Variants in SMOC2 observed in about 807,000 individuals in gnomAD.
The protein encoded by SMOC2 is SPARC related modular calcium binding 2, also known as SPARC-related modular calcium-binding protein 2.
A neutral mutation model predicts 61.4 loss-of-function variants in SMOC2; 39 were observed. The observed-to-expected ratio is 0.64, with a 90% CI of 0.49 to 0.83. The LOEUF (loss-of-function observed/expected upper bound fraction) is 0.83, where lower values mean the gene tolerates loss of function less well. Ranked by LOEUF, SMOC2 falls within the 40% of genes least tolerant of loss-of-function variation. SMOC2 has a pLI of 0.00. For synonymous variants in SMOC2, 247 were observed against 239.9 expected (o/e 1.03, Z -0.27); for missense variants, 556 against 592.9 (o/e 0.94, Z 0.65).
In SMOC2 at chr6:168,664,384, C is replaced by CTTTTTTTTTTTTTTTTTTTTTTTTTT. The variant is rs750178882; in HGVS notation, c.1323+280_1323+305dup. ...TTCTGAGTTTCCTTGTTTGGTAGAT[C>CTTTTTTTTTTTTTTTTTTTTTTTTTT]TTTTTTTTTTTTTTTTTTTTTTTTT... On this transcript the variant is annotated intron_variant, in intron 12 of 12. Coordinates refer to ENST00000356284, the MANE Select transcript of SMOC2 (RefSeq NM_001166412.2). 1.1e-5 allele frequency: 3 copies of CTTTTTTTTTTTTTTTTTTTTTTTTTT among 283,092 alleles called. No homozygotes were observed. The African/African-American group carries it at 1.2e-4, about 11-fold the overall frequency. 17.5% of individuals were successfully genotyped at this position (283,092 alleles called of 1,614,324 possible).
rs1783451927 is a variant in SMOC2 at position 168,526,332 on chromosome 6, G to C, written c.257-14G>C. On this transcript the variant is annotated splice_polypyrimidine_tract_variant and intron_variant, in intron 2 of 12. Coordinates refer to ENST00000356284, the MANE Select transcript of SMOC2 (RefSeq NM_001166412.2). ...CATTGCATAACCACACCTCTGCCCTGTTCTTCCCTACAGACGTGTCCAGGT... is the reference window on the plus strand; with the variant it reads ...CATTGCATAACCACACCTCTGCCCTCTTCTTCCCTACAGACGTGTCCAGGT... 1 of 1,610,524 alleles carries C rather than the reference G, an allele frequency of 6.2e-7. No homozygotes were observed. Among genetic ancestry groups the C allele is most frequent in the African/African-American group, 1.3e-5 (1 of 74,960 alleles).
chr6:168,504,167 G>C (rs1017356279), intron 1 of SMOC2, among the ~76,000 whole-genome samples: 4 of 151,920 alleles, frequency 2.6e-5, no homozygotes, highest in African/African-American at 9.7e-5. Context: ...AGCTCCTCTG[G>C]GTTCCTTAGA....
chr6:168,548,760 A>T (rs1784065099), intron 6 of SMOC2, among the ~76,000 whole-genome samples: 1 of 152,172 alleles, frequency 6.6e-6, no homozygotes, highest in Non-Finnish European at 1.5e-5. Context: ...GCATTTTATA[A>T]TGAATCTTTC....
chr6:168,521,424 C>T (rs931352161), intron 2 of SMOC2, among the ~76,000 whole-genome samples: 6 of 152,184 alleles, frequency 3.9e-5, no homozygotes, highest in African/African-American at 1.4e-4. Context: ...GCTGGGATTA[C>T]AGGCGTGAGC....
At chr6:168,510,224 G>T in intron 2 of SMOC2, 138 bp downstream of exon 2, 1 of 733,930 alleles carries the variant, frequency 1.4e-6, no homozygotes. Flanking sequence ...AGCATGTAAG[G>T]AAGAAGAGTA....
At chr6:168,563,626 G>A (rs1173883553) in intron 7 of SMOC2, among the ~76,000 whole-genome samples, 1 of 152,050 alleles carries the variant, frequency 6.6e-6, no homozygotes, top group African/African-American at 2.4e-5. Context: ...GAGGGCAATG[G>A]GATTAGTGCC....
intron 1 of SMOC2, among the ~76,000 whole-genome samples, chr6:168,486,474 TTC>T (rs1258072723): frequency 6.6e-6 from 1 of 152,100 alleles, no homozygotes; most frequent in African/African-American, 2.4e-5. Context: ...GCACCATGTC[TTC>T]TCTTTGCTAC....
At chr6:168,650,556 C>A in intron 9 of SMOC2, 125 bp from the exon 10 acceptor site, 3 of 730,200 alleles carry the variant, frequency 4.1e-6, no homozygotes, top group Admixed American at 2.7e-5. Context: ...TTTAAACTAG[C>A]TCATTAAGAT....
At chr6:168,547,403 T>C (rs1407322272) in intron 6 of SMOC2, among the ~76,000 whole-genome samples, 1 of 151,424 alleles carries the variant, frequency 6.6e-6, no homozygotes, top group Non-Finnish European at 1.5e-5. Flanking sequence ...CGAAAGGTGG[T>C]CACGAAGGGT....
chr6:168,585,007 G>T (rs755468371), intron 7 of SMOC2, among the ~76,000 whole-genome samples: 1 of 152,142 alleles, frequency 6.6e-6, no homozygotes, highest in African/African-American at 2.4e-5. Context: ...GCCCAGGTTG[G>T]AGTGCAGTGG....
chr6:168,616,217 T>G (rs927428874), intron 9 of SMOC2, among the ~76,000 whole-genome samples: 1 of 152,258 alleles, frequency 6.6e-6, no homozygotes, highest in African/African-American at 2.4e-5. Flanking sequence ...AAATTTTAGC[T>G]GAGCTGGGAA....
intron 7 of SMOC2, among the ~76,000 whole-genome samples, chr6:168,563,937 C>G (rs891673188): frequency 6.6e-6 from 1 of 152,162 alleles, no homozygotes; most frequent in Non-Finnish European, 1.5e-5. Flanking sequence ...GGGTGCTCAC[C>G]TGCCTCATCT....
intron 1 of SMOC2, among the ~76,000 whole-genome samples, chr6:168,503,160 C>T (rs568383644): frequency 1.4e-5 from 2 of 146,098 alleles, no homozygotes; most frequent in Non-Finnish European, 3.0e-5. Flanking sequence ...CTCACTGCAA[C>T]CTCCGCCTCC....
intron 1 of SMOC2, among the ~76,000 whole-genome samples, chr6:168,476,131 T>C (rs1782077147): frequency 6.6e-6 from 1 of 152,184 alleles, no homozygotes; most frequent in African/African-American, 2.4e-5. Context: ...ATTTTTATTT[T>C]AACCATCTCC....
intron 9 of SMOC2, among the ~76,000 whole-genome samples, chr6:168,620,950 C>G (rs1786228456): frequency 1.3e-5 from 2 of 149,898 alleles, no homozygotes; most frequent in South Asian, 4.2e-4. Flanking sequence ...TGTCAAACTC[C>G]TTGGACACCC....
intron 7 of SMOC2, among the ~76,000 whole-genome samples, chr6:168,550,955 A>G (rs1784117157): frequency 6.6e-6 from 1 of 152,232 alleles, no homozygotes; most frequent in South Asian, 2.1e-4. Context: ...ACTGGTTGAT[A>G]TGGTTGGGCG....
rs972577897 is a variant in SMOC2, at chr6:168,553,898, C to T, written c.637+4695C>T. ...AGGAGGATTATTCCATGGGACGAGTCGATTAAAACTTGCTTTTGAACTGCG... is the reference window on the plus strand; with the variant it reads ...AGGAGGATTATTCCATGGGACGAGTTGATTAAAACTTGCTTTTGAACTGCG... On this transcript the variant is annotated intron_variant, in intron 7 of 12. Coordinates refer to ENST00000356284, the MANE Select transcript of SMOC2 (RefSeq NM_001166412.2). The surrounding 1 kb of genome is among the most constrained non-coding windows in gnomAD (Gnocchi z 4.2). 5.9e-5 allele frequency among the ~76,000 whole-genome samples: 9 copies of T among 151,736 alleles called. No homozygotes were observed. The highest frequency in any genetic ancestry group is 4.1e-4 in the South Asian group (2 of 4,836).
chr6:168,524,086 AC>A (rs1285648274), intron 2 of SMOC2, among the ~76,000 whole-genome samples: 3 of 152,140 alleles, frequency 2.0e-5, no homozygotes, highest in African/African-American at 7.2e-5. Context: ...TTGAGAACAC[AC>A]GGGGGCCATG....
At chr6:168,590,690 A>G (rs191380392) in intron 7 of SMOC2, among the ~76,000 whole-genome samples, 1 of 152,366 alleles carries the variant, frequency 6.6e-6, no homozygotes, top group East Asian at 1.9e-4. Context: ...CTTGCTTTCT[A>G]TAAAAATGCT....
Sources: gnomAD v4.1 joint callset for allele counts (sites outside exome capture counted in the v4.1 genomes callset) on GRCh38, gnomAD v4.1.1 for gene constraint, Gnocchi (gnomAD v3.1) non-coding constraint, MANE v1.5 for transcripts, NCBI Gene and HGNC (gene_info 2026-07-23, HGNC 2026-07-21) for gene names.